The following PDZRN4 variants were observed in gnomAD, a reference collection of about 807,000 sequenced individuals.
The protein encoded by PDZRN4 is PDZ domain containing ring finger 4, also known as PDZ domain-containing RING finger protein 4.
A neutral mutation model predicts 99.0 loss-of-function variants in PDZRN4; 70 were observed. The observed-to-expected ratio is 0.71, with a 90% CI of 0.58 to 0.86. PDZRN4 has a LOEUF of 0.86. Among genes scored for constraint, PDZRN4 ranks in the 40% least tolerant of loss-of-function variants. PDZRN4 has a pLI of 0.00. For missense variants in PDZRN4, 1,474 were observed against 1,331.2 expected (o/e 1.11, Z -1.67); for synonymous variants, 551 against 501.6 (o/e 1.10, Z -1.32).
At chr12:41,537,558 G>A (rs1021543808) in intron 5 of PDZRN4, among the ~76,000 whole-genome samples, 6 of 152,112 alleles carry the variant, frequency 3.9e-5, no homozygotes, top group Non-Finnish European at 8.8e-5. Flanking sequence ...AGATTTGGGG[G>A]AAATGTTGTT....
chr12:41,537,237 G>A (rs1026100200), intron 5 of PDZRN4, among the ~76,000 whole-genome samples: 18 of 152,140 alleles, frequency 1.2e-4, no homozygotes, highest in African/African-American at 4.3e-4. Flanking sequence ...AAGCACTTCT[G>A]GTGATAAAAG....
chr12:41,517,978 T>C (rs1938431587), intron 5 of PDZRN4, among the ~76,000 whole-genome samples: 1 of 152,112 alleles, frequency 6.6e-6, no homozygotes, highest in Non-Finnish European at 1.5e-5. Flanking sequence ...ATGCAGTCTG[T>C]AAAAACTAGA....
chr12:41,243,936 C>G (rs1040530077), intron 3 of PDZRN4, among the ~76,000 whole-genome samples: 2 of 152,194 alleles, frequency 1.3e-5, no homozygotes, highest in Admixed American at 1.3e-4. Flanking sequence ...TGCCTCCAGA[C>G]TGAGTACTCT....
chr12:41,418,923 C>T (rs1952468767), intron 3 of PDZRN4, among the ~76,000 whole-genome samples: 1 of 152,160 alleles, frequency 6.6e-6, no homozygotes, highest in Admixed American at 6.5e-5. Context: ...TGTGACAAAT[C>T]TCCCCTTGCA....
chr12:41,505,669 A>G (rs1196359794), intron 3 of PDZRN4, among the ~76,000 whole-genome samples: 1 of 149,596 alleles, frequency 6.7e-6, no homozygotes, highest in African/African-American at 2.4e-5. Context: ...GACTGAGGAC[A>G]AAGGGAGACT....
At chr12:41,192,136 C>T (rs1178165917) in intron 2 of PDZRN4, among the ~76,000 whole-genome samples, 1 of 151,806 alleles carries the variant, frequency 6.6e-6, no homozygotes. Context: ...GTTGGAGTAT[C>T]ACTCTGCAGC....
At chr12:41,544,463 T>C (rs555814979) in intron 5 of PDZRN4, among the ~76,000 whole-genome samples, 2 of 152,292 alleles carry the variant, frequency 1.3e-5, no homozygotes, top group East Asian at 3.9e-4. Flanking sequence ...TCTCATAAGC[T>C]CTCAGTCCTC....
chr12:41,263,771 G>A (rs1951259418), intron 3 of PDZRN4, among the ~76,000 whole-genome samples: 1 of 152,110 alleles, frequency 6.6e-6, no homozygotes, highest in Non-Finnish European at 1.5e-5. Flanking sequence ...ATGAATTTTT[G>A]TGCTTATATT....
chr12:41,403,480 G>C (rs1432206153), intron 3 of PDZRN4, among the ~76,000 whole-genome samples: 1 of 152,158 alleles, frequency 6.6e-6, no homozygotes, highest in Non-Finnish European at 1.5e-5. Flanking sequence ...TTTTGAAAAA[G>C]TGTTCCAGGT....
At chr12:41,544,570 A>C (rs1346694130) in intron 5 of PDZRN4, among the ~76,000 whole-genome samples, 1 of 152,200 alleles carries the variant, frequency 6.6e-6, no homozygotes, top group Non-Finnish European at 1.5e-5. Flanking sequence ...GGGATATAAT[A>C]ACAGACCTAA....
At position 41,314,133 on chromosome 12, in the gene PDZRN4, A is replaced by T. The variant is rs1239921707; in HGVS notation, c.843+119945A>T. 5.3e-5 allele frequency among the ~76,000 whole-genome samples: 8 copies of T among 152,304 alleles called. No homozygotes were observed. In the East Asian group the frequency reaches 1.5e-3, roughly 29 times the overall value. Reference sequence around the variant, plus strand: ...AATGAATTCAGGTTTTATTATTATAAGTATGAACAGCTTTTAGGTAAGGAT... The same window carrying T: ...AATGAATTCAGGTTTTATTATTATATGTATGAACAGCTTTTAGGTAAGGAT... On this transcript the variant is annotated intron_variant, in intron 3 of 9. Coordinates refer to ENST00000402685, the MANE Select transcript of PDZRN4 (RefSeq NM_001164595.2).
chr12:41,196,455 G>T (rs1431102), intron 3 of PDZRN4, among the ~76,000 whole-genome samples: 101,586 of 151,898 alleles, frequency 0.67, 34,125 homozygotes, highest in South Asian at 0.74. Context: ...GGTTAGATGA[G>T]GTGCATATTT....
At chr12:41,317,819 T>C (rs545663086) in intron 3 of PDZRN4, among the ~76,000 whole-genome samples, 1 of 152,274 alleles carries the variant, frequency 6.6e-6, no homozygotes, top group South Asian at 2.1e-4. Flanking sequence ...ATTGAACACA[T>C]TAACATCAGG....
chr12:41,568,012 T>C (rs944479742), intron 9 of PDZRN4, 113 bp downstream of exon 9: 3 of 632,928 alleles, frequency 4.7e-6, no homozygotes, highest in African/African-American at 1.8e-5. Flanking sequence ...ATCATCTCTA[T>C]CATGGTAATT....
intron 3 of PDZRN4, among the ~76,000 whole-genome samples, chr12:41,333,370 C>T (rs1951752265): frequency 6.6e-6 from 1 of 152,084 alleles, no homozygotes; most frequent in African/African-American, 2.4e-5. Flanking sequence ...CAACTTGAAC[C>T]TGGGTAAAGT....
intron 3 of PDZRN4, among the ~76,000 whole-genome samples, chr12:41,475,685 G>C (rs1346004894): frequency 6.6e-6 from 1 of 152,080 alleles, no homozygotes; most frequent in Non-Finnish European, 1.5e-5. Context: ...TAATATTAGC[G>C]CTCAAATTTT....
chr12:41,400,848 T>C (rs527381756), intron 3 of PDZRN4, among the ~76,000 whole-genome samples: 1 of 152,318 alleles, frequency 6.6e-6, no homozygotes, highest in African/African-American at 2.4e-5. Flanking sequence ...CAGGGAAATA[T>C]AGCCAACTTG....
At chr12:41,421,347 C>T (rs1358323876) in intron 3 of PDZRN4, among the ~76,000 whole-genome samples, 1 of 152,044 alleles carries the variant, frequency 6.6e-6, no homozygotes, top group Non-Finnish European at 1.5e-5. Flanking sequence ...TACCCACCAC[C>T]ACACCTGGTT....
At chr12:41,506,772 T>C (rs1022178486) in intron 4 of PDZRN4, 60 bp downstream of exon 4, 8 of 1,537,370 alleles carry the variant, frequency 5.2e-6, no homozygotes, top group African/African-American at 1.4e-5. Context: ...GTAAAGCAGA[T>C]GTTGAAAAGA....
Sources: allele counts gnomAD v4.1 joint callset (sites outside exome capture counted in the v4.1 genomes callset), GRCh38; gene constraint gnomAD v4.1.1; transcripts MANE v1.5; gene names NCBI Gene and HGNC (gene_info 2026-07-23, HGNC 2026-07-21).